Variants in ZNF407 observed in about 807,000 individuals in gnomAD.
ZNF407 encodes the protein zinc finger protein 407.
ZNF407 carries 17 observed loss-of-function variants against 131.2 expected under a neutral mutation model. The ratio of observed to expected loss-of-function variants is 0.13; its 90% CI spans 0.09 to 0.19. ZNF407 has a LOEUF of 0.19. ZNF407 is among the 10% of genes least tolerant of loss of function. The pLI is 1.00. For missense variants in ZNF407, 2,681 were observed against 2,830.6 expected (o/e 0.95, Z 1.20); for synonymous variants, 1,156 against 1,062.0 (o/e 1.09, Z -1.72).
Position 75,020,315 on chromosome 18 carries a change from C to CGT in ZNF407, c.5429-42835_5429-42834insGT, listed in dbSNP as rs1568302925. 3.0e-4 allele frequency among the ~76,000 whole-genome samples: 13 copies of CGT among 43,398 alleles called. No homozygotes were observed. In the Admixed American group the frequency reaches 4.0e-3, roughly 13 times the overall value. The allele number at this position is 43,398 out of a possible 152,430, so 28.5% of individuals were successfully genotyped here. A position where few individuals can be genotyped will look rare whatever the true frequency, so the allele number is the denominator to read the frequency against. On this transcript the variant is annotated intron_variant, in intron 8 of 8. Transcript: ENST00000299687. ...GTATGTGTATATGTGTGTGTATGTGCATGTGTGTGTGTGTGTGTGTGTGTG... is the reference window on the plus strand; with the variant it reads ...GTATGTGTATATGTGTGTGTATGTGCGTATGTGTGTGTGTGTGTGTGTGTGTG...
chr18:74,930,740 G>T (rs1348861136), intron 8 of ZNF407, among the ~76,000 whole-genome samples: 1 of 152,082 alleles, frequency 6.6e-6, no homozygotes, highest in African/African-American at 2.4e-5. Context: ...CCTCTTTCCA[G>T]TCAGCTCCTG....
chr18:74,900,312 C>T (rs981831386), intron 7 of ZNF407, among the ~76,000 whole-genome samples: 3 of 152,074 alleles, frequency 2.0e-5, no homozygotes, highest in Admixed American at 6.6e-5. Flanking sequence ...CATGTGGCTG[C>T]GATAAGAACT....
intron 4 of ZNF407, among the ~76,000 whole-genome samples, chr18:74,831,056 A>G (rs758883758): frequency 6.6e-6 from 1 of 152,180 alleles, no homozygotes; most frequent in Non-Finnish European, 1.5e-5. Flanking sequence ...TTCACTTAAC[A>G]TAATGTCCTC....
chr18:74,652,740 T>C (rs1985284403), intron 3 of ZNF407, among the ~76,000 whole-genome samples: 1 of 145,508 alleles, frequency 6.9e-6, no homozygotes, highest in Non-Finnish European at 1.5e-5. Context: ...CAAAGAACTA[T>C]TGGCAAAACT....
At chr18:74,775,964 C>G (rs1368429981) in intron 3 of ZNF407, among the ~76,000 whole-genome samples, 1 of 152,216 alleles carries the variant, frequency 6.6e-6, no homozygotes, top group South Asian at 2.1e-4. Context: ...CGTTAGAAAT[C>G]TGCCTCCGTG....
intron 8 of ZNF407, among the ~76,000 whole-genome samples, chr18:74,978,080 GGTT>G (rs1568289418): frequency 6.6e-6 from 1 of 152,124 alleles, no homozygotes; most frequent in South Asian, 2.1e-4. Context: ...TATCAAATCA[GGTT>G]GTTTAACGTG....
At position 75,063,087 on chromosome 18, in the gene ZNF407, G is replaced by C. The variant is rs1158649539; in HGVS notation, c.5429-63G>C. 4 of 1,441,786 alleles carry C rather than the reference G, an allele frequency of 2.8e-6. No individual in the cohort carries two copies. Among genetic ancestry groups the C allele is most frequent in the Non-Finnish European group, 3.8e-6 (4 of 1,065,000 alleles). 89.3% of individuals were successfully genotyped at this position (1,441,786 alleles called of 1,614,324 possible). On this transcript the variant is annotated intron_variant, in intron 8 of 8. Coordinates refer to ENST00000299687, the MANE Select transcript of ZNF407 (RefSeq NM_017757.3). The surrounding 1 kb of genome is among the most constrained non-coding windows in gnomAD (Gnocchi z 6.6). The stretch of plus-strand genomic sequence containing the variant: ...AGGCCTGAGCGCTTCTGCAGAAGAA[G>C]TGTCTTACTTGTAAGCCTACGAGTA...
chr18:74,945,906 C>T (rs1396427186), intron 8 of ZNF407, among the ~76,000 whole-genome samples: 1 of 151,916 alleles, frequency 6.6e-6, no homozygotes, highest in Non-Finnish European at 1.5e-5. Flanking sequence ...AAGCTGTCTC[C>T]CCGACATCTT....
At chr18:74,905,501 G>A (rs1246375042) in intron 7 of ZNF407, 3 of 152,268 alleles carry the variant, frequency 2.0e-5, no homozygotes, top group African/African-American at 7.2e-5. Context: ...TGGAAGCATG[G>A]GAGTTTATCC....
At chr18:74,600,693 T>TAA (rs999521889) in intron 1 of ZNF407, among the ~76,000 whole-genome samples, 4 of 152,092 alleles carry the variant, frequency 2.6e-5, no homozygotes, top group Non-Finnish European at 2.9e-5. Context: ...GGCAAAGAGA[T>TAA]AAAGAGCGGT....
At chr18:75,035,429 A>G (rs941590647) in intron 8 of ZNF407, among the ~76,000 whole-genome samples, 2 of 152,348 alleles carry the variant, frequency 1.3e-5, no homozygotes, top group East Asian at 1.9e-4. Context: ...AACAAAGCAA[A>G]TAACGGTTTA....
At chr18:75,028,298 T>C (rs1054689260) in intron 8 of ZNF407, among the ~76,000 whole-genome samples, 11 of 152,174 alleles carry the variant, frequency 7.2e-5, no homozygotes, top group Non-Finnish European at 1.5e-4. Context: ...GACTGGCTTC[T>C]TCTGAGTCCT....
At chr18:74,615,714 G>A (rs1468351055) in intron 1 of ZNF407, among the ~76,000 whole-genome samples, 1 of 152,180 alleles carries the variant, frequency 6.6e-6, no homozygotes, top group Non-Finnish European at 1.5e-5. Context: ...ATTTAGAAGA[G>A]TAATATTACA....
intron 3 of ZNF407, among the ~76,000 whole-genome samples, chr18:74,672,241 T>A (rs933141292): frequency 6.6e-6 from 1 of 152,220 alleles, no homozygotes; most frequent in Non-Finnish European, 1.5e-5. Context: ...TTAATACAGT[T>A]ATTTGACTGA....
At chr18:74,957,905 T>C (rs372581658) in intron 8 of ZNF407, among the ~76,000 whole-genome samples, 1 of 152,174 alleles carries the variant, frequency 6.6e-6, no homozygotes, top group East Asian at 1.9e-4. Context: ...TTTGTGGTTT[T>C]TGATGAAGAG....
intron 4 of ZNF407, among the ~76,000 whole-genome samples, chr18:74,836,009 A>G (rs1197493360): frequency 4.8e-5 from 5 of 104,644 alleles, no homozygotes; most frequent in Non-Finnish European, 5.9e-5. Flanking sequence ...ACCCTTATGG[A>G]AAAAAAAAAA....
intron 4 of ZNF407, among the ~76,000 whole-genome samples, chr18:74,849,550 C>G (rs1970752457): frequency 6.6e-6 from 1 of 152,130 alleles, no homozygotes; most frequent in African/African-American, 2.4e-5. Flanking sequence ...AGTTGTCAGA[C>G]TCTGTGCCTT....
chr18:74,723,875 A>G (rs1479727067), intron 3 of ZNF407, among the ~76,000 whole-genome samples: 1 of 133,826 alleles, frequency 7.5e-6, no homozygotes, highest in African/African-American at 2.8e-5. Context: ...TTTAATTTCC[A>G]GGACCTTCAT....
intron 8 of ZNF407, among the ~76,000 whole-genome samples, chr18:74,947,977 G>A (rs1972172506): frequency 6.6e-6 from 1 of 152,170 alleles, no homozygotes; most frequent in Non-Finnish European, 1.5e-5. Context: ...AAGAGAAAAT[G>A]ACTTCAGAGG....
Sources: gnomAD v4.1 joint callset for allele counts (sites outside exome capture counted in the v4.1 genomes callset) on GRCh38, gnomAD v4.1.1 for gene constraint, Gnocchi (gnomAD v3.1) non-coding constraint, MANE v1.5 for transcripts, NCBI Gene and HGNC (gene_info 2026-07-23, HGNC 2026-07-21) for gene names.